Variants in CELF2 observed in about 807,000 individuals in gnomAD.
CELF2 encodes CUG triplet repeat RNA-binding protein 2.
A neutral mutation model predicts 62.6 loss-of-function variants in CELF2; 8 were observed. The ratio of observed to expected loss-of-function variants is 0.13; its 90% CI spans 0.07 to 0.23. CELF2 has a LOEUF of 0.23. Among genes scored for constraint, CELF2 ranks in the 10% least tolerant of loss-of-function variants. CELF2 has a pLI of 1.00. For synonymous variants in CELF2, 258 were observed against 250.0 expected (o/e 1.03, Z -0.30); for missense variants, 333 against 671.0 (o/e 0.50, Z 5.56).
At chr10:11,044,422 A>G (rs1400496124) in intron 1 of CELF2, among the ~76,000 whole-genome samples, 1 of 152,022 alleles carries the variant, frequency 6.6e-6, no homozygotes, top group African/African-American at 2.4e-5. Flanking sequence ...CTGCCAACCT[A>G]TTTTGGGTGA....
At chr10:10,546,878 AG>A in the CELF2 span, among the ~76,000 whole-genome samples, 1 of 151,918 alleles carries the variant, frequency 6.6e-6, no homozygotes, top group African/African-American at 2.4e-5. Flanking sequence ...AGACCGAGGC[AG>A]GGGGATCACC....
At chr10:11,228,391 C>A (rs1350708629) in intron 3 of CELF2, among the ~76,000 whole-genome samples, 1 of 152,090 alleles carries the variant, frequency 6.6e-6, no homozygotes, top group African/African-American at 2.4e-5. Flanking sequence ...CAACTAGAAG[C>A]CTATTGTTCT....
chr10:10,597,705 C>T, the CELF2 span, among the ~76,000 whole-genome samples: 4 of 152,206 alleles, frequency 2.6e-5, no homozygotes, highest in Non-Finnish European at 5.9e-5. Context: ...AGTACAGCAA[C>T]TTTAACAAAA....
the CELF2 span, among the ~76,000 whole-genome samples, chr10:10,777,976 T>C: frequency 6.6e-6 from 1 of 152,184 alleles, no homozygotes; most frequent in Non-Finnish European, 1.5e-5. Flanking sequence ...GGTCTCATTC[T>C]AGAGTTACTT....
intron 2 of CELF2, among the ~76,000 whole-genome samples, chr10:11,215,580 A>G (rs2063132469): frequency 7.7e-6 from 1 of 129,106 alleles, no homozygotes; most frequent in Non-Finnish European, 1.6e-5. Context: ...GCCTGAAAGT[A>G]TCAGATTCTG....
chr10:10,665,920 C>T, the CELF2 span, among the ~76,000 whole-genome samples: 19 of 152,232 alleles, frequency 1.2e-4, no homozygotes, highest in Middle Eastern at 3.4e-3. Context: ...GGTCCAGGAA[C>T]GAAGCCAAGG....
the CELF2 span, among the ~76,000 whole-genome samples, chr10:10,467,956 A>G: frequency 6.6e-6 from 1 of 152,206 alleles, no homozygotes; most frequent in East Asian, 1.9e-4. Flanking sequence ...GTTTATCTCT[A>G]AAGAACTGTG....
At chr10:10,865,856 T>C (rs2060325144) in intron 1 of CELF2, among the ~76,000 whole-genome samples, 1 of 151,892 alleles carries the variant, frequency 6.6e-6, no homozygotes, top group African/African-American at 2.4e-5. Context: ...AAGATAAGCC[T>C]GTTTGAGCCC....
At chr10:10,670,412 A>G in the CELF2 span, among the ~76,000 whole-genome samples, 1 of 152,278 alleles carries the variant, frequency 6.6e-6, no homozygotes, top group Admixed American at 6.5e-5. Flanking sequence ...GGTTATTCGT[A>G]CTTAGACTTT....
At chr10:10,844,228 T>C (rs528698365) in intron 1 of CELF2, among the ~76,000 whole-genome samples, 54 of 152,094 alleles carry the variant, frequency 3.6e-4, no homozygotes, top group African/African-American at 9.1e-4. Flanking sequence ...ACCTATTGGG[T>C]CAAATTTCTT....
the CELF2 span, among the ~76,000 whole-genome samples, chr10:10,602,777 C>T: frequency 6.6e-6 from 1 of 152,014 alleles, no homozygotes; most frequent in South Asian, 2.1e-4. Flanking sequence ...TTTAGAAATG[C>T]ATGTATGCTC....
chr10:11,129,428 G>A (rs1352087750), intron 1 of CELF2, among the ~76,000 whole-genome samples: 1 of 152,122 alleles, frequency 6.6e-6, no homozygotes, highest in Non-Finnish European at 1.5e-5. Flanking sequence ...TTTTTCTATT[G>A]ATTGGAATAG....
At position 10,896,264 on chromosome 10, in the gene CELF2, G is replaced by A. The variant is rs1197859967; in HGVS notation, c.54-23700G>A. On this transcript the variant is annotated intron_variant, in intron 1 of 13. Coordinates refer to the CELF2 transcript ENST00000636488. The stretch of plus-strand genomic sequence containing the variant: ...GGGCGGTGGGTACAGCACATAGAAG[G>A]GTCTTGCCTCCACAATGGAGGTTAT... Among the ~76,000 whole-genome samples the A allele has an allele frequency of 2.0e-5, 3 of 152,074 alleles. No homozygotes were observed. The East Asian group carries it at 5.8e-4, about 29-fold the overall frequency.
chr10:10,527,317 C>T, the CELF2 span, among the ~76,000 whole-genome samples: 3 of 152,094 alleles, frequency 2.0e-5, no homozygotes, highest in East Asian at 1.9e-4. Context: ...TGGTGGCATG[C>T]GCCTGTAGTC....
At chr10:10,528,148 A>C in the CELF2 span, among the ~76,000 whole-genome samples, 3 of 133,174 alleles carry the variant, frequency 2.3e-5, no homozygotes, top group African/African-American at 8.4e-5. Flanking sequence ...AGCTGAAGAT[A>C]GATTCCTGTT....
chr10:11,058,461 GTTT>G (rs67113152), intron 1 of CELF2, among the ~76,000 whole-genome samples: 3 of 116,800 alleles, frequency 2.6e-5, no homozygotes, highest in Non-Finnish European at 5.1e-5. Flanking sequence ...TTTTTTGTTG[GTTT>G]TTTTTTTTTT....
At chr10:11,064,819 C>G (rs750134600) in intron 1 of CELF2, among the ~76,000 whole-genome samples, 25 of 152,186 alleles carry the variant, frequency 1.6e-4, no homozygotes, top group Non-Finnish European at 2.1e-4. Flanking sequence ...AGAGAAAAAT[C>G]TGTTGCTTGA....
the CELF2 span, among the ~76,000 whole-genome samples, chr10:10,699,466 T>A: frequency 3.3e-5 from 5 of 152,236 alleles, no homozygotes; most frequent in African/African-American, 9.6e-5. Flanking sequence ...AGCAAATTAT[T>A]GCAAATTGTC....
the CELF2 span, among the ~76,000 whole-genome samples, chr10:10,583,439 G>A: frequency 2.0e-5 from 3 of 152,048 alleles, no homozygotes; most frequent in Admixed American, 2.0e-4. Flanking sequence ...ACAATATTTT[G>A]TACCAAGGAA....
Sources: allele counts gnomAD v4.1 joint callset (sites outside exome capture counted in the v4.1 genomes callset), GRCh38; gene constraint gnomAD v4.1.1; transcripts MANE v1.5; gene names NCBI Gene and HGNC (gene_info 2026-07-23, HGNC 2026-07-21).